Variants in BRINP2 observed in about 807,000 individuals in gnomAD.
BRINP2 encodes BMP/retinoic acid-inducible neural-specific protein 2.
BRINP2 carries 21 observed loss-of-function variants against 69.2 expected under a neutral mutation model. That is an observed-to-expected ratio of 0.30 (90% CI 0.22 to 0.44). The LOEUF (loss-of-function observed/expected upper bound fraction) is 0.44, where lower values mean the gene tolerates loss of function less well. Ranked by LOEUF, BRINP2 falls within the 20% of genes least tolerant of loss-of-function variation. BRINP2 has a pLI of 1.00. For synonymous variants in BRINP2, 380 were observed against 394.1 expected, an observed-to-expected ratio of 0.96 and a Z score of 0.42; for missense variants, 877 against 986.0, an observed-to-expected ratio of 0.89 and a Z score of 1.48.
chr1:177,239,698 G>C (rs1650135966), intron 2 of BRINP2, among the ~76,000 whole-genome samples: 3 of 152,194 alleles, frequency 2.0e-5, no homozygotes, highest in Admixed American at 1.3e-4. Flanking sequence ...CTCTGTTACA[G>C]TCCCACTTGC....
intron 1 of BRINP2, among the ~76,000 whole-genome samples, chr1:177,214,412 A>C (rs1349176249): frequency 6.6e-6 from 1 of 152,208 alleles, no homozygotes; most frequent in African/African-American, 2.4e-5. Flanking sequence ...CAGCCTGAGC[A>C]TAAGAGCGAA....
intron 1 of BRINP2, among the ~76,000 whole-genome samples, chr1:177,227,194 G>A (rs887680156): frequency 6.6e-6 from 1 of 152,196 alleles, no homozygotes; most frequent in African/African-American, 2.4e-5. Flanking sequence ...AGGGTGTGGG[G>A]ATCTTGGTCA....
chr1:177,241,157 G>A (rs1289513811), intron 2 of BRINP2, among the ~76,000 whole-genome samples: 2 of 152,078 alleles, frequency 1.3e-5, no homozygotes, highest in African/African-American at 2.4e-5. Flanking sequence ...ATTTTTAGTA[G>A]AGACCGGGTT....
intron 2 of BRINP2, among the ~76,000 whole-genome samples, chr1:177,248,145 C>T (rs1264364551): frequency 2.0e-5 from 3 of 152,108 alleles, no homozygotes; most frequent in Non-Finnish European, 2.9e-5. Flanking sequence ...AGCACAACCA[C>T]CCACATTGTA....
At chr1:177,215,111 A>T (rs1041835588) in intron 1 of BRINP2, among the ~76,000 whole-genome samples, 4 of 152,140 alleles carry the variant, frequency 2.6e-5, no homozygotes, top group African/African-American at 9.7e-5. Flanking sequence ...TGCTTCTATG[A>T]GTTCAATTGT....
chr1:177,173,480 C>A (rs1298122323), intron 1 of BRINP2, among the ~76,000 whole-genome samples: 2 of 152,180 alleles, frequency 1.3e-5, no homozygotes, highest in African/African-American at 4.8e-5. Context: ...AAAAATGGAG[C>A]TGGCTTTGTC....
chr1:177,210,428 A>G (rs1044120654), intron 1 of BRINP2, among the ~76,000 whole-genome samples: 5 of 152,078 alleles, frequency 3.3e-5, no homozygotes, highest in African/African-American at 1.2e-4. Context: ...AAAAGAGTAC[A>G]CTGCTCTTCA....
Position 177,281,835 on chromosome 1 carries a change from A to T in BRINP2, c.*307A>T. ...AATTGAAAGAAAGGAGCCAAGGAAG[A>T]GATTAAGAAAAAGAACCAGCTGAAC... is the stretch of plus-strand genomic sequence containing the variant. On this transcript the variant is annotated 3_prime_UTR_variant, in exon 8 of 8. Coordinates refer to ENST00000361539, the MANE Select transcript of BRINP2 (RefSeq NM_021165.4). 3.9e-6 allele frequency: 1 copy of T among 253,636 alleles called. No individual in the cohort carries two copies. Among genetic ancestry groups the T allele is most frequent in the Non-Finnish European group, 7.4e-6 (1 of 134,278 alleles). 15.7% of individuals were successfully genotyped at this position (253,636 alleles called of 1,614,324 possible). A position where few individuals can be genotyped will look rare whatever the true frequency, so the allele number is the denominator to read the frequency against.
intron 1 of BRINP2, among the ~76,000 whole-genome samples, chr1:177,178,559 T>G (rs967945156): frequency 2.0e-5 from 3 of 152,104 alleles, no homozygotes; most frequent in South Asian, 2.1e-4. Flanking sequence ...TATCCCTCTA[T>G]GAAGTCTTCT....
chr1:177,281,184 G>C lies in BRINP2; in HGVS notation c.2008G>C (p.Asp670His). Residue 670 changes from aspartate to histidine, a missense_variant, in exon 8 of 8, where the codon GAT (aspartate) becomes CAT (histidine). Physicochemically the swap from Asp to His is moderately conservative, Grantham distance 81 (BLOSUM62 -1). Around this residue, in one of 3 missense-constraint regions of BRINP2, gnomAD observed 225 missense variants for 218.7 expected, o/e 1.03. Coordinates refer to ENST00000361539, the MANE Select transcript of BRINP2 (RefSeq NM_021165.4). ...TIYYEPLEMT[D>H]PSKNLGYMKI... ...CTACTATGAGCCCCTGGAGATGACT[G>C]ATCCCTCTAAGAATTTGGGTTACAT... is the stretch of plus-strand genomic sequence containing the variant. The C allele has an allele frequency of 6.2e-7, 1 of 1,614,202 alleles. No individual in the cohort carries two copies. The highest frequency in any genetic ancestry group is 1.3e-5 in the African/African-American group (1 of 75,046).
chr1:177,257,543 T>A (rs1571936646), intron 4 of BRINP2, among the ~76,000 whole-genome samples, 159 bp downstream of exon 4: 1 of 151,928 alleles, frequency 6.6e-6, no homozygotes, highest in South Asian at 2.1e-4. Context: ...CACGATGGGG[T>A]CATTCATTCC....
chr1:177,203,799 G>A lies in BRINP2; in HGVS notation c.-76-26002G>A, dbSNP rs190375315. On this transcript the variant is annotated intron_variant, in intron 1 of 7. Coordinates refer to ENST00000361539, the MANE Select transcript of BRINP2 (RefSeq NM_021165.4). ...CTTACTGACTAGCAGGGGAAACAGA[G>A]TTTGACCAAACAATGATCCAAACAA... is the stretch of plus-strand genomic sequence containing the variant. Among the ~76,000 whole-genome samples the A allele has an allele frequency of 2.7e-3, 417 of 152,282 alleles. 11 individuals carry two copies. The highest frequency in any genetic ancestry group is 0.025 in the Admixed American group (387 of 15,278).
intron 1 of BRINP2, among the ~76,000 whole-genome samples, chr1:177,183,310 G>C (rs770568103): frequency 6.6e-6 from 1 of 151,278 alleles, no homozygotes; most frequent in African/African-American, 2.4e-5. Flanking sequence ...TATGGTTCAT[G>C]TGATATGACA....
chr1:177,262,671 A>T (rs1189845591), intron 4 of BRINP2, among the ~76,000 whole-genome samples: 1 of 152,214 alleles, frequency 6.6e-6, no homozygotes, highest in South Asian at 2.1e-4. Flanking sequence ...ATGCAGCAGG[A>T]TATTAGTTGC....
chr1:177,183,692 C>A (rs190925194), intron 1 of BRINP2, among the ~76,000 whole-genome samples: 1 of 152,270 alleles, frequency 6.6e-6, no homozygotes, highest in East Asian at 1.9e-4. Context: ...AAGATATTTT[C>A]TGGATAAAAG....
rs573816040 is a variant in BRINP2, at chr1:177,236,614, A to G, written c.269+6469A>G. 5.3e-4 allele frequency among the ~76,000 whole-genome samples: 81 copies of G among 152,324 alleles called. 1 individual carries two copies. The Middle Eastern group carries it at 0.01, about 19-fold the overall frequency. On this transcript the variant is annotated intron_variant, in intron 2 of 7. Coordinates refer to ENST00000361539, the MANE Select transcript of BRINP2 (RefSeq NM_021165.4). ...TTACAGATAAGTAAGCAAGTGCTAC[A>G]TTGCTCTGCACAGAAAGGTCAAGGA...
chr1:177,229,883 T>C lies in BRINP2; in HGVS notation c.7T>C (p.Trp3Arg), dbSNP rs1168019629. The change falls in exon 2 of 8, where the codon TGG (tryptophan) becomes CGG (arginine). Residue 3 changes from tryptophan to arginine, a missense_variant. Physicochemically the swap from Trp to Arg is moderately radical, Grantham distance 101. Transcript: ENST00000361539. ...CCAATCGCCCGGGAGAAGCATGAGG[T>C]GGCAGTGTGGCACTCGGTTTAGAGG... is the stretch of plus-strand genomic sequence containing the variant. MRWQCGTRFRGLR... is the reference protein window; with the variant it reads MRRQCGTRFRGLR... The C allele has an allele frequency of 5.7e-6, 9 of 1,582,188 alleles. No individual in the cohort carries two copies. The highest frequency in any genetic ancestry group is 6.9e-6 in the Non-Finnish European group (8 of 1,159,046).
At chr1:177,280,030 G>A (rs1243782533) in intron 7 of BRINP2, among the ~76,000 whole-genome samples, 1 of 152,156 alleles carries the variant, frequency 6.6e-6, no homozygotes, top group Non-Finnish European at 1.5e-5. Context: ...AAGAGGGAAT[G>A]GAAGTTGGCA....
intron 1 of BRINP2, among the ~76,000 whole-genome samples, chr1:177,210,659 TACTC>T (rs1299339875): frequency 3.9e-5 from 6 of 152,182 alleles, no homozygotes; most frequent in Non-Finnish European, 8.8e-5. Flanking sequence ...GTTAAAAACA[TACTC>T]AGTTCAGATG....
Sources: gnomAD v4.1 joint callset for allele counts (sites outside exome capture counted in the v4.1 genomes callset) on GRCh38, gnomAD v4.1.1 for gene constraint, gnomAD v4.1.1 regional missense constraint, MANE v1.5 for transcripts, NCBI Gene and HGNC (gene_info 2026-07-23, HGNC 2026-07-21) for gene names.